ECT2L: variants seen among roughly 807,000 people sequenced by gnomAD.
ECT2L encodes epithelial cell transforming 2 like, also known as epithelial cell-transforming sequence 2 oncogene-like.
ECT2L carries 126 observed loss-of-function variants against 122.8 expected under a neutral mutation model. That is an observed-to-expected ratio of 1.03 (90% confidence interval 0.89 to 1.19). The LOEUF is 1.19. Ranked by LOEUF, ECT2L falls within the 50% of genes most tolerant of loss-of-function variation. The pLI, the probability that ECT2L is intolerant of heterozygous loss-of-function variation, is 0.00. For synonymous variants in ECT2L, 385 were observed against 381.8 expected (o/e 1.01, Z -0.10); for missense variants, 1,012 against 1,064.1 (o/e 0.95, Z 0.68).
chr6:138,860,806 C>T (rs1260099826), intron 10 of ECT2L, among the ~76,000 whole-genome samples: 3 of 149,464 alleles, frequency 2.0e-5, no homozygotes, highest in Non-Finnish European at 4.4e-5. Context: ...GTTTGCTGCA[C>T]TTATCAACCC....
intron 4 of ECT2L, among the ~76,000 whole-genome samples, chr6:138,833,312 A>C (rs1189513398): frequency 6.6e-6 from 1 of 152,220 alleles, no homozygotes; most frequent in East Asian, 1.9e-4. Flanking sequence ...CAGACATTTA[A>C]CTTGTTTCCC....
intron 5 of ECT2L, 109 bp from the exon 6 acceptor site, chr6:138,842,870 T>C: frequency 9.6e-7 from 1 of 1,042,396 alleles, no homozygotes; most frequent in African/African-American, 1.6e-5. Context: ...CAGAGATTTT[T>C]GTACCAGAAA....
intron 10 of ECT2L, among the ~76,000 whole-genome samples, chr6:138,859,877 C>T (rs777606319): frequency 5.3e-5 from 8 of 151,274 alleles, no homozygotes; most frequent in Non-Finnish European, 8.8e-5. Flanking sequence ...TGCAATGGCG[C>T]GATCTCGGCT....
At chr6:138,872,999 A>G (rs1778309028) in intron 13 of ECT2L, among the ~76,000 whole-genome samples, 1 of 152,244 alleles carries the variant, frequency 6.6e-6, no homozygotes. Context: ...CACTTGGAGC[A>G]GTTCCTCTGA....
At chr6:138,849,223 TA>T in intron 8 of ECT2L, 45 bp from the exon 9 acceptor site, 1 of 1,455,880 alleles carries the variant, frequency 6.9e-7, no homozygotes, top group Non-Finnish European at 9.1e-7. Context: ...ATAAATATTC[TA>T]AAATAGTGGG....
Position 138,884,353 on chromosome 6 carries a change from T to C in ECT2L, c.2029-1153T>C, listed in dbSNP as rs149147151. The stretch of plus-strand genomic sequence containing the variant: ...AATGAATACATTTTAAAACAGATAT[T>C]AAGGCTCAGTGCGGTGGCTCACACC... On this transcript the variant is annotated intron_variant, in intron 16 of 21. Coordinates refer to ENST00000541398, the MANE Select transcript of ECT2L (RefSeq NM_001077706.3). Among the ~76,000 whole-genome samples the C allele has an allele frequency of 2.8e-3, 427 of 152,054 alleles. 4 individuals carry two copies. The highest frequency in any genetic ancestry group is 9.7e-3 in the African/African-American group (401 of 41,502).
intron 4 of ECT2L, 59 bp from the exon 5 acceptor site, chr6:138,838,293 T>C (rs1776914453): frequency 2.1e-6 from 3 of 1,428,950 alleles, no homozygotes; most frequent in African/African-American, 2.9e-5. Context: ...ATATTTATGC[T>C]GACTTTTTAG....
rs749800332 is a variant in ECT2L, at chr6:138,846,552, G to A, written c.778G>A (p.Gly260Arg). The A allele has an allele frequency of 6.3e-6, 10 of 1,584,224 alleles. No homozygotes were observed. The highest frequency in any genetic ancestry group is 4.1e-5 in the African/African-American group (3 of 73,104). Reference sequence around the variant, plus strand: ...TTTACTCCATAGAAGCAATATTTCTGGAAGCCATTCCTACCCTTTATTATC... The same window carrying A: ...TTTACTCCATAGAAGCAATATTTCTAGAAGCCATTCCTACCCTTTATTATC... ...ETLPKRSNIS[G>R]SHSYPLLSKK... is the part of the protein sequence containing the mutation. The change falls in exon 8 of 22, where the codon GGA (glycine) becomes AGA (arginine). Residue 260 changes from glycine (G) to arginine (R), a missense_variant. Coordinates refer to ENST00000541398, the MANE Select transcript of ECT2L (RefSeq NM_001077706.3).
chr6:138,882,717 A>T lies in ECT2L; in HGVS notation c.1881-7A>T. On this transcript the variant is annotated splice_polypyrimidine_tract_variant and splice_region_variant and intron_variant, in intron 15 of 21. Coordinates refer to ENST00000541398, the MANE Select transcript of ECT2L (RefSeq NM_001077706.3). Reference sequence around the variant, plus strand: ...TATTTCATGCTTATGCTCTTCTCATACCACAGGCAGTTTCTAGATAACCTG... The same window carrying T: ...TATTTCATGCTTATGCTCTTCTCATTCCACAGGCAGTTTCTAGATAACCTG... 1.9e-6 allele frequency: 3 copies of T among 1,613,588 alleles called. No individual in the cohort carries two copies. The highest frequency in any genetic ancestry group is 1.3e-5 in the African/African-American group (1 of 75,028).
chr6:138,828,531 C>T (rs999683293), intron 4 of ECT2L, among the ~76,000 whole-genome samples: 1 of 152,100 alleles, frequency 6.6e-6, no homozygotes, highest in African/African-American at 2.4e-5. Flanking sequence ...CAGAAGCTGG[C>T]GAGTTCCAGT....
At chr6:138,900,033 G>A (rs1290489924) in intron 20 of ECT2L, among the ~76,000 whole-genome samples, 102 of 152,182 alleles carry the variant, frequency 6.7e-4, no homozygotes, top group Admixed American at 6.7e-3. Flanking sequence ...TGATAAATAT[G>A]CCTACAGTTG....
At chr6:138,832,980 T>TC (rs1349744955) in intron 4 of ECT2L, among the ~76,000 whole-genome samples, 2 of 151,890 alleles carry the variant, frequency 1.3e-5, no homozygotes, top group African/African-American at 2.4e-5. Context: ...AAACTTACAA[T>TC]CACGGTGGAA....
chr6:138,867,679 T>A (rs1214433996), intron 12 of ECT2L, among the ~76,000 whole-genome samples: 4 of 127,498 alleles, frequency 3.1e-5, no homozygotes, highest in East Asian at 2.2e-4. Context: ...AAAAAAAAAA[T>A]TTAGCTGGGC....
intron 15 of ECT2L, among the ~76,000 whole-genome samples, chr6:138,882,166 G>A (rs1242457153): frequency 6.6e-6 from 1 of 152,208 alleles, no homozygotes; most frequent in Non-Finnish European, 1.5e-5. Flanking sequence ...TGTGGTAAAA[G>A]GAGGCAACCT....
At chr6:138,875,598 C>T (rs973561155) in intron 13 of ECT2L, among the ~76,000 whole-genome samples, 1 of 152,144 alleles carries the variant, frequency 6.6e-6, no homozygotes, top group African/African-American at 2.4e-5. Flanking sequence ...AAAAAATGTG[C>T]TAAGTTTGAG....
chr6:138,852,195 G>T lies in ECT2L; in HGVS notation c.1070-1831G>T, dbSNP rs6939469. On this transcript the variant is annotated intron_variant, in intron 9 of 21. Transcript: ENST00000541398. The stretch of plus-strand genomic sequence containing the variant: ...TACTCCTTGGGAGGATCCCGGCGGG[G>T]CAGAGGTTGAAGTCAGTCATTGAGC... Among the ~76,000 whole-genome samples, 496 of 152,328 alleles carry T rather than the reference G, an allele frequency of 3.3e-3. 1 individual carries two copies. Among genetic ancestry groups the T allele is most frequent in the African/African-American group, 0.011 (447 of 41,578 alleles).
In ECT2L at chr6:138,881,100, C is replaced by CA; in HGVS notation, c.1810dup (p.Arg604LysfsTer15). 2 of 1,614,224 alleles carry CA rather than the reference C, an allele frequency of 1.2e-6. No homozygotes were observed. The highest frequency in any genetic ancestry group is 1.6e-4 in the Middle Eastern group (1 of 6,062). On this transcript the variant is annotated frameshift_variant, in exon 15 of 22. Coordinates refer to ENST00000541398, the MANE Select transcript of ECT2L (RefSeq NM_001077706.3). LOFTEE classifies it high-confidence loss of function. ...CACTGAAAGCAGCATTGTCATCAAA[C>CA]AGAGCGATTCTGAGTGCTGCCAATA...
At chr6:138,840,363 T>C (rs1209567601) in intron 5 of ECT2L, among the ~76,000 whole-genome samples, 3 of 147,392 alleles carry the variant, frequency 2.0e-5, no homozygotes, top group Admixed American at 6.9e-5. Context: ...TAGTCAATAT[T>C]GATTTATATG....
In ECT2L at chr6:138,838,447, T is replaced by G; in HGVS notation, c.275T>G (p.Phe92Cys). The G allele has an allele frequency of 6.2e-7, 1 of 1,614,060 alleles. No individual in the cohort carries two copies. Among genetic ancestry groups the G allele is most frequent in the East Asian group, 2.2e-5 (1 of 44,864 alleles). ...TTCATTTCTCTATATATCTTTTCCT[T>G]TTTGAGTCCGAAAGATTTGTGTGCC... The part of the protein sequence containing the change: ...PRFISLYIFS[F>C]LSPKDLCAAA... The change falls in exon 5 of 22, where the codon TTT (phenylalanine) becomes TGT (cysteine). Residue 92 changes from phenylalanine to cysteine, a missense_variant. By Grantham distance (205) the Phe-to-Cys change is radical (BLOSUM62 -2). Coordinates refer to ENST00000541398, the MANE Select transcript of ECT2L (RefSeq NM_001077706.3).
Sources: gnomAD v4.1 joint callset for allele counts (sites outside exome capture counted in the v4.1 genomes callset) on GRCh38, gnomAD v4.1.1 for gene constraint, MANE v1.5 for transcripts, NCBI Gene and HGNC (gene_info 2026-07-23, HGNC 2026-07-21) for gene names.